The following ARHGAP29 variants were observed in gnomAD, a reference collection of about 807,000 sequenced individuals.
ARHGAP29 encodes the protein Rho GTPase activating protein 29.
Under a neutral mutation model 122.6 loss-of-function variants are expected in ARHGAP29, and 43 were observed. The ratio of observed to expected loss-of-function variants is 0.35; its 90% CI spans 0.27 to 0.45. The LOEUF (loss-of-function observed/expected upper bound fraction) is 0.45, where lower values mean the gene tolerates loss of function less well. Ranked by LOEUF, ARHGAP29 falls within the 20% of genes least tolerant of loss-of-function variation. ARHGAP29 has a pLI of 1.00. For synonymous variants in ARHGAP29, 506 were observed against 497.1 expected, an observed-to-expected ratio of 1.02 and a Z score of -0.24; for missense variants, 1,303 against 1,477.2, an observed-to-expected ratio of 0.88 and a Z score of 1.93.
At position 94,174,326 on chromosome 1, in the gene ARHGAP29, C is replaced by A; in HGVS notation, c.3329G>T (p.Ser1110Ile). 1 of 1,614,142 alleles carries A rather than the reference C, an allele frequency of 6.2e-7. No individual in the cohort carries two copies. Among genetic ancestry groups the A allele is most frequent in the African/African-American group, 1.3e-5 (1 of 75,024 alleles). Residue 1110 changes from serine (S) to isoleucine (I), a missense_variant, in exon 23 of 23, where the codon AGC becomes ATC. This residue lies in a region of ARHGAP29 where 620 missense variants were observed against 651.2 expected (regional missense o/e 0.95). Transcript: ENST00000260526. ...AGAATGGTCCCCACTAATCTGGAGG[C>A]TTGTTGTCACTCCTTTTTCCTGGAG... The part of the protein sequence containing the change: ...SALQEKGVTT[S>I]LQISGDHSIN...
chr1:94,242,661 A>C (rs575854520), intron 1 of ARHGAP29, among the ~76,000 whole-genome samples: 1 of 151,520 alleles, frequency 6.6e-6, no homozygotes, highest in African/African-American at 2.4e-5. Flanking sequence ...GAAACAACAA[A>C]TGGAACAAAT....
rs1649990120 is a variant in ARHGAP29, at chr1:94,189,231, T to C, written c.1561A>G (p.Ser521Gly). The change falls in exon 14 of 23, where the codon AGT becomes GGT. Residue 521 changes from serine (S) to glycine (G), a missense_variant. This residue lies in a region of ARHGAP29 where 592 missense variants were observed against 648.2 expected (regional missense o/e 0.91). Transcript: ENST00000260526. ...GGAAAACTACCTGTTATATCTGCAC[T>C]GTTAGAGCATCTGTCCTCTTCAATT... The part of the protein sequence containing the change: ...NKIEEDRCSN[S>G]ADITGPSFIR... 3 of 1,611,338 alleles carry C rather than the reference T, an allele frequency of 1.9e-6. No homozygotes were observed. Among genetic ancestry groups the C allele is most frequent in the Non-Finnish European group, 2.5e-6 (3 of 1,179,140 alleles).
rs776642953 is a variant in ARHGAP29 at position 94,188,866 on chromosome 1, C to A, written c.1652G>T (p.Arg551Ile). Residue 551 changes from arginine to isoleucine, a missense_variant, in exon 15 of 23, where the codon AGA (arginine) becomes ATA (isoleucine). By Grantham distance (97) the Arg-to-Ile change is moderately conservative. Coordinates refer to ENST00000260526, the MANE Select transcript of ARHGAP29 (RefSeq NM_004815.4). ...SESTGGSSES[R>I]SLDSESISPG... ...ACTTATAGATTCTGAATCCAGAGATCTAGATTCGCTGCTCCCTCCAGTGCT... is the reference window on the plus strand; with the variant it reads ...ACTTATAGATTCTGAATCCAGAGATATAGATTCGCTGCTCCCTCCAGTGCT... The A allele has an allele frequency of 5.6e-6, 9 of 1,612,902 alleles. No individual in the cohort carries two copies.
Position 94,171,863 on chromosome 1 carries a change from T to C in ARHGAP29, c.*2006A>G, listed in dbSNP as rs889021704. 6.6e-6 allele frequency: 1 copy of C among 152,118 alleles called. No individual in the cohort carries two copies. Among genetic ancestry groups the C allele is most frequent in the Non-Finnish European group, 1.5e-5 (1 of 68,020 alleles). 9.4% of individuals were successfully genotyped at this position (152,118 alleles called of 1,614,324 possible). ...GAAGTTTAAAAGTACATTTTCTAAG[T>C]TTTAGTATAGGATGATGATAATGTT... On this transcript the variant is annotated 3_prime_UTR_variant, in exon 23 of 23. Coordinates refer to ENST00000260526, the MANE Select transcript of ARHGAP29 (RefSeq NM_004815.4).
upstream of ARHGAP29, among the ~76,000 whole-genome samples, chr1:94,240,597 CT>C (rs1653537132): frequency 6.6e-6 from 1 of 152,150 alleles, no homozygotes. Context: ...AGTCCAATAG[CT>C]TAAGTTTTTC....
the ARHGAP29 span, among the ~76,000 whole-genome samples, chr1:94,297,454 C>A: frequency 6.6e-6 from 1 of 152,158 alleles, no homozygotes; most frequent in African/African-American, 2.4e-5. Flanking sequence ...ATGCAAACTG[C>A]TTTCTATCCA....
chr1:94,194,319 AAG>A (rs1650309329), intron 12 of ARHGAP29: 1 of 152,108 alleles, frequency 6.6e-6, no homozygotes, highest in Admixed American at 6.5e-5. Flanking sequence ...TGTTCCATGA[AAG>A]AGATAATTTT....
chr1:94,201,787 T>C lies in ARHGAP29; in HGVS notation c.1214A>G (p.Asn405Ser), dbSNP rs752065148. 1 of 1,614,002 alleles carries C rather than the reference T, an allele frequency of 6.2e-7. No homozygotes were observed. The highest frequency in any genetic ancestry group is 1.7e-5 in the Admixed American group (1 of 60,004). The change falls in exon 12 of 23, where the codon AAT (asparagine) becomes AGT (serine). Residue 405 changes from asparagine to serine, a missense_variant. Asn to Ser is a conservative substitution (Grantham distance 46). Around this residue, in one of 3 missense-constraint regions of ARHGAP29, gnomAD observed 592 missense variants for 648.2 expected, o/e 0.91. Coordinates refer to ENST00000260526, the MANE Select transcript of ARHGAP29 (RefSeq NM_004815.4). ...NVEERRNDLE[N>S]TKREILAQLR... is the part of the protein sequence containing the mutation. ...TTGTGCTAAAATTTCTCTTTTGGTA[T>C]TTTCTAGATCATTTCTTCTTTCTTC... is the stretch of plus-strand genomic sequence containing the variant.
chr1:94,255,517 C>T (rs1654307042), intron 1 of ARHGAP29, among the ~76,000 whole-genome samples: 1 of 152,208 alleles, frequency 6.6e-6, no homozygotes, highest in African/African-American at 2.4e-5. Context: ...GGACCATCCT[C>T]TTCCCTTCCC....
At position 94,190,087 on chromosome 1, in the gene ARHGAP29, T is replaced by G; in HGVS notation, c.1282-4A>C. ...TGTGGAAGAGGTTAACTGTTACCTA[T>G]GGACCCAGAGACAAAAGGCAGAGTA... is the stretch of plus-strand genomic sequence containing the variant. On this transcript the variant is annotated splice_region_variant and splice_polypyrimidine_tract_variant and intron_variant, in intron 12 of 22. Coordinates refer to ENST00000260526, the MANE Select transcript of ARHGAP29 (RefSeq NM_004815.4). 6.2e-7 allele frequency: 1 copy of G among 1,612,360 alleles called. No homozygotes were observed. Among genetic ancestry groups the G allele is most frequent in the South Asian group, 1.1e-5 (1 of 90,884 alleles).
intron 1 of ARHGAP29, among the ~76,000 whole-genome samples, chr1:94,274,519 T>C (rs1398578486): frequency 1.3e-5 from 2 of 152,236 alleles, no homozygotes; most frequent in Non-Finnish European, 2.9e-5. Context: ...GTCAAGTGCT[T>C]ATTGCTGGGA....
chr1:94,186,470 G>C, intron 16 of ARHGAP29, 29 bp downstream of exon 16: 1 of 1,502,742 alleles, frequency 6.7e-7, no homozygotes, highest in Non-Finnish European at 9.3e-7. Flanking sequence ...AGCTGGTTTA[G>C]TGGGACTTAA....
Position 94,173,425 on chromosome 1 carries a change from A to G in ARHGAP29, c.*444T>C. ...TTGTGTGACAAAACATATGCATACC[A>G]ACAAAGATCTTTTTAGGCACTTGCA... On this transcript the variant is annotated 3_prime_UTR_variant, in exon 23 of 23. Transcript: ENST00000260526. The G allele has an allele frequency of 6.4e-6, 1 of 156,198 alleles. No individual in the cohort carries two copies. The highest frequency in any genetic ancestry group is 6.2e-5 in the Admixed American group (1 of 16,134). 9.7% of individuals were successfully genotyped at this position (156,198 alleles called of 1,614,324 possible).
In ARHGAP29 at chr1:94,208,814, CACACAAACTTAGCTT is replaced by C; in HGVS notation, c.510+3_510+17del. 1 of 1,610,848 alleles carries C rather than the reference CACACAAACTTAGCTT, an allele frequency of 6.2e-7. No homozygotes were observed. Among genetic ancestry groups the C allele is most frequent in the African/African-American group, 1.3e-5 (1 of 74,954 alleles). ...TTAAAAACATTAAAGACTTTGCTTT[CACACAAACTTAGCTT>C]ACCTTAGTTTCTCGAGAAACAGGCA... On this transcript the variant is annotated splice_donor_5th_base_variant and intron_variant, in intron 5 of 22. Coordinates refer to ENST00000260526, the MANE Select transcript of ARHGAP29 (RefSeq NM_004815.4).
chr1:94,236,401 A>G (rs1166815492), intron 1 of ARHGAP29, among the ~76,000 whole-genome samples: 4 of 152,148 alleles, frequency 2.6e-5, no homozygotes, highest in African/African-American at 9.7e-5. Context: ...AAGAATTTAA[A>G]CAAAGAGGGA....
At chr1:94,210,485 A>G (rs1020567980) in intron 3 of ARHGAP29, among the ~76,000 whole-genome samples, 1 of 152,114 alleles carries the variant, frequency 6.6e-6, no homozygotes, top group Non-Finnish European at 1.5e-5. Context: ...TTAAACTTCA[A>G]GCCTATAAAT....
At chr1:94,269,669 A>G (rs1330077580) in intron 1 of ARHGAP29, among the ~76,000 whole-genome samples, 1 of 152,214 alleles carries the variant, frequency 6.6e-6, no homozygotes, top group Non-Finnish European at 1.5e-5. Flanking sequence ...TGCAAATTAA[A>G]ATAATAATGC....
Position 94,169,999 on chromosome 1 carries a change from C to A in ARHGAP29, c.*3870G>T, listed in dbSNP as rs1239944857. ...ATAGAGAAGGAAGAGCTCTTCCTTACAGTAGTAGGATGCCAACCAAGGCAG... is the reference window on the plus strand; with the variant it reads ...ATAGAGAAGGAAGAGCTCTTCCTTAAAGTAGTAGGATGCCAACCAAGGCAG... On this transcript the variant is annotated 3_prime_UTR_variant, in exon 23 of 23. Transcript: ENST00000260526. Among the ~76,000 whole-genome samples, 1 of 152,150 alleles carries A rather than the reference C, an allele frequency of 6.6e-6. No individual in the cohort carries two copies. The highest frequency in any genetic ancestry group is 1.9e-4 in the East Asian group (1 of 5,188).
intron 3 of ARHGAP29, among the ~76,000 whole-genome samples, chr1:94,219,796 T>A (rs1003913536): frequency 2.0e-5 from 3 of 152,226 alleles, no homozygotes; most frequent in Non-Finnish European, 4.4e-5. Flanking sequence ...CATACATATA[T>A]GATAAACTTA....
Sources: allele counts gnomAD v4.1 joint callset (sites outside exome capture counted in the v4.1 genomes callset), GRCh38; gene constraint gnomAD v4.1.1; regional missense constraint gnomAD v4.1.1; transcripts MANE v1.5; gene names NCBI Gene and HGNC (gene_info 2026-07-23, HGNC 2026-07-21).